The following ETS1 variants were observed in gnomAD, a reference collection of about 807,000 sequenced individuals.
ETS1 encodes protein C-ets-1.
Under a neutral mutation model 58.6 loss-of-function variants are expected in ETS1, and 15 were observed. That is an observed-to-expected ratio of 0.26 (90% CI 0.17 to 0.39). ETS1 has a LOEUF of 0.39. ETS1 is among the 10% of genes least tolerant of loss of function. The probability of loss-of-function intolerance (pLI) is 1.00; values close to 1 mark genes in which losing one functional copy is unlikely to be tolerated. For synonymous variants in ETS1, 214 were observed against 218.2 expected, an observed-to-expected ratio of 0.98 and a Z score of 0.17; for missense variants, 417 against 610.5, an observed-to-expected ratio of 0.68 and a Z score of 3.34.
intron 3 of ETS1, among the ~76,000 whole-genome samples, chr11:128,540,228 A>T (rs1864034040): frequency 6.7e-6 from 1 of 150,358 alleles, no homozygotes; most frequent in Non-Finnish European, 1.5e-5. Flanking sequence ...CTGGAGAATC[A>T]CTTCAACCCA....
At chr11:128,521,234 G>A (rs1863658981) in intron 3 of ETS1, among the ~76,000 whole-genome samples, 1 of 152,152 alleles carries the variant, frequency 6.6e-6, no homozygotes, top group Non-Finnish European at 1.5e-5. Flanking sequence ...GTCACATTTG[G>A]GTGTTTGATG....
At position 128,557,467 on chromosome 11, in the gene ETS1, G is replaced by A. The variant is rs548782533; in HGVS notation, c.70-1032C>T. ...CATTTAATAAAACTATATATTGTATGAAATGCATGTGATAAGTATGTGAGG... is the reference window on the plus strand; with the variant it reads ...CATTTAATAAAACTATATATTGTATAAAATGCATGTGATAAGTATGTGAGG... On this transcript the variant is annotated intron_variant, in intron 2 of 9. Coordinates refer to ENST00000392668, the MANE Select transcript of ETS1 (RefSeq NM_001143820.2). Among the ~76,000 whole-genome samples, 17 of 152,330 alleles carry A rather than the reference G, an allele frequency of 1.1e-4. No homozygotes were observed. The South Asian group carries it at 1.7e-3, about 15-fold the overall frequency.
chr11:128,467,169 A>C (rs1417297015), intron 8 of ETS1, among the ~76,000 whole-genome samples: 1 of 152,220 alleles, frequency 6.6e-6, no homozygotes, highest in African/African-American at 2.4e-5. Flanking sequence ...GGGTGGGCGC[A>C]GTTCCTGGCT....
intron 3 of ETS1, among the ~76,000 whole-genome samples, chr11:128,544,340 AATATATAT>A (rs10542616): frequency 8.5e-5 from 10 of 117,090 alleles, no homozygotes; most frequent in Non-Finnish European, 1.2e-4. Context: ...ATTGTTTACT[AATATATAT>A]ATATATATAT....
intron 1 of ETS1, among the ~76,000 whole-genome samples, chr11:128,583,266 G>T (rs1273019822): frequency 6.6e-6 from 1 of 152,234 alleles, no homozygotes; most frequent in African/African-American, 2.4e-5. Flanking sequence ...TGCCAAGGCT[G>T]AGCAGATGCT....
chr11:128,524,469 T>C (rs1863762068), intron 3 of ETS1, among the ~76,000 whole-genome samples: 1 of 152,214 alleles, frequency 6.6e-6, no homozygotes, highest in Admixed American at 6.5e-5. Flanking sequence ...TCAGAAGTTA[T>C]GCATCGAACC....
chr11:128,531,006 G>T (rs1863888840), intron 3 of ETS1, among the ~76,000 whole-genome samples: 1 of 152,134 alleles, frequency 6.6e-6, no homozygotes, highest in Admixed American at 6.5e-5. Flanking sequence ...GAGGTAAAAA[G>T]GCTATTGCAA....
chr11:128,490,354 A>C, intron 4 of ETS1, 103 bp downstream of exon 4: 3 of 1,223,410 alleles, frequency 2.5e-6, no homozygotes, highest in Non-Finnish European at 3.5e-6. Context: ...TGCTGACTCC[A>C]ATGTGGTTAG....
intron 1 of ETS1, among the ~76,000 whole-genome samples, chr11:128,582,070 A>G (rs1365986216): frequency 6.6e-6 from 1 of 152,228 alleles, no homozygotes; most frequent in Non-Finnish European, 1.5e-5. Context: ...AATGCTAAAC[A>G]GCTTGCTAGC....
Position 128,462,263 on chromosome 11 carries a change from A to G in ETS1, c.*98T>C. 1.0e-6 allele frequency: 1 copy of G among 985,928 alleles called. No homozygotes were observed. Among genetic ancestry groups the G allele is most frequent in the South Asian group, 1.5e-5 (1 of 65,200 alleles). The allele number at this position is 985,928 out of a possible 1,614,324, so 61.1% of individuals were successfully genotyped here. On this transcript the variant is annotated 3_prime_UTR_variant, in exon 10 of 10. Coordinates refer to ENST00000392668, the MANE Select transcript of ETS1 (RefSeq NM_001143820.2). ...CCTGAAGGTAAAAAATGAGTTCTGG[A>G]AAATAAAAAATAGAATAACAATTCA...
rs1487361559 is a variant in ETS1 at position 128,498,190 on chromosome 11, G to A, written c.215-7614C>T. On this transcript the variant is annotated intron_variant, in intron 3 of 9. Coordinates refer to ENST00000392668, the MANE Select transcript of ETS1 (RefSeq NM_001143820.2). ...CAATGCCAAAGCTTAAGACATAGTA[G>A]GTGCTCAACAAATCATTGGCTACTT... Among the ~76,000 whole-genome samples, 3 of 152,080 alleles carry A rather than the reference G, an allele frequency of 2.0e-5. 1 individual carries two copies. Among genetic ancestry groups the A allele is most frequent in the African/African-American group, 7.2e-5 (3 of 41,392 alleles).
At chr11:128,485,430 A>AT (rs1489124142) in intron 6 of ETS1, among the ~76,000 whole-genome samples, 1 of 152,204 alleles carries the variant, frequency 6.6e-6, no homozygotes, top group East Asian at 1.9e-4. Flanking sequence ...TGGAATAAAA[A>AT]TTGTAATAAC....
intron 8 of ETS1, among the ~76,000 whole-genome samples, chr11:128,475,896 G>GTGTA (rs1460329910): frequency 6.6e-6 from 1 of 151,904 alleles, no homozygotes; most frequent in African/African-American, 2.4e-5. Context: ...GTGTGTGTGT[G>GTGTA]TGTGTGTGAT....
chr11:128,515,563 C>T (rs941328854), intron 3 of ETS1, among the ~76,000 whole-genome samples: 2 of 152,156 alleles, frequency 1.3e-5, no homozygotes, highest in African/African-American at 4.8e-5. Flanking sequence ...AGAAGATATT[C>T]TAGAAAGTAC....
Position 128,585,185 on chromosome 11 carries a change from A to G in ETS1, c.-15+2303T>C, listed in dbSNP as rs369164935. Among the ~76,000 whole-genome samples the G allele has an allele frequency of 5.9e-3, 194 of 33,024 alleles. 23 individuals carry two copies. The highest frequency in any genetic ancestry group is 0.021 in the Middle Eastern group (2 of 96). 21.7% of individuals were successfully genotyped at this position (33,024 alleles called of 152,430 possible). ...GAAAGAAAGAGAAAGAAAGAAAGAA[A>G]GAAGGAAGGAAAGAAAGAAAGAAAG... is the stretch of plus-strand genomic sequence containing the variant. On this transcript the variant is annotated intron_variant, in intron 1 of 9. Coordinates refer to ENST00000392668, the MANE Select transcript of ETS1 (RefSeq NM_001143820.2).
intron 3 of ETS1, among the ~76,000 whole-genome samples, chr11:128,528,785 T>G (rs577791150): frequency 2.6e-5 from 4 of 152,346 alleles, no homozygotes; most frequent in Non-Finnish European, 5.9e-5. Context: ...ACCAACTGAC[T>G]CATTTCTAAC....
At chr11:128,566,271 C>T (rs1591666914) in intron 2 of ETS1, among the ~76,000 whole-genome samples, 2 of 152,066 alleles carry the variant, frequency 1.3e-5, no homozygotes, top group East Asian at 3.9e-4. Context: ...CCAGTATCCA[C>T]CTAACACAAT....
At chr11:128,503,155 A>C (rs1863134562) in intron 3 of ETS1, among the ~76,000 whole-genome samples, 1 of 152,236 alleles carries the variant, frequency 6.6e-6, no homozygotes, top group African/African-American at 2.4e-5. Context: ...AGATATACAA[A>C]TCTAAATAAG....
At chr11:128,515,304 A>G (rs1185403780) in intron 3 of ETS1, among the ~76,000 whole-genome samples, 1 of 152,108 alleles carries the variant, frequency 6.6e-6, no homozygotes, top group African/African-American at 2.4e-5. Flanking sequence ...CAGAGTTTAC[A>G]GTTTCTCCAC....
Sources: allele counts gnomAD v4.1 joint callset (sites outside exome capture counted in the v4.1 genomes callset), GRCh38; gene constraint gnomAD v4.1.1; transcripts MANE v1.5; gene names NCBI Gene and HGNC (gene_info 2026-07-23, HGNC 2026-07-21).